KANK1: variants seen among roughly 807,000 people sequenced by gnomAD.
The protein encoded by KANK1 is KN motif and ankyrin repeat domains 1.
Under a neutral mutation model 106.2 loss-of-function variants are expected in KANK1, and 109 were observed. That is an observed-to-expected ratio of 1.03 (90% confidence interval 0.88 to 1.20). The LOEUF (loss-of-function observed/expected upper bound fraction) is 1.20, where lower values mean the gene tolerates loss of function less well. Ranked by LOEUF, KANK1 falls within the 50% of genes most tolerant of loss-of-function variation. KANK1 has a pLI of 0.00. For missense variants in KANK1, 2,399 were observed against 1,710.7 expected (o/e 1.40, Z -7.10); for synonymous variants, 873 against 652.2 (o/e 1.34, Z -5.16).
chr9:695,991 A>T (rs544961000), intron 2 of KANK1, among the ~76,000 whole-genome samples: 1 of 152,272 alleles, frequency 6.6e-6, no homozygotes, highest in African/African-American at 2.4e-5. Context: ...TGAGGAATAC[A>T]AACATAAATA....
At chr9:594,690 T>C (rs1588103925) in intron 1 of KANK1, among the ~76,000 whole-genome samples, 1 of 151,870 alleles carries the variant, frequency 6.6e-6, no homozygotes, top group Admixed American at 6.5e-5. Context: ...TCCACAATTA[T>C]AGATGTGTCT....
intron 1 of KANK1, among the ~76,000 whole-genome samples, chr9:505,948 A>C (rs192504436): frequency 6.6e-6 from 1 of 152,192 alleles, no homozygotes; most frequent in African/African-American, 2.4e-5. Context: ...GTAGCTGTTC[A>C]TCTGCCAGTT....
At chr9:621,964 A>G (rs1049922163) in intron 1 of KANK1, among the ~76,000 whole-genome samples, 2 of 152,150 alleles carry the variant, frequency 1.3e-5, no homozygotes, top group African/African-American at 4.8e-5. Flanking sequence ...GGAAGGAAGG[A>G]GGGAAGAGGA....
chr9:710,485 GTGCACCC>G (rs1217486699), intron 2 of KANK1, among the ~76,000 whole-genome samples: 1 of 151,944 alleles, frequency 6.6e-6, no homozygotes, highest in East Asian at 1.9e-4. Flanking sequence ...AGGCGTGGTG[GTGCACCC>G]CTGTAATCCC....
intron 1 of KANK1, among the ~76,000 whole-genome samples, chr9:580,646 C>T (rs1376597672): frequency 2.6e-5 from 4 of 152,246 alleles, no homozygotes; most frequent in Non-Finnish European, 4.4e-5. Context: ...TATTTACAAT[C>T]CCTTAGCTAG....
intron 1 of KANK1, among the ~76,000 whole-genome samples, chr9:654,814 TGAGAGAGAGAGAGAGAGAGA>T (rs57089042): frequency 2.5e-5 from 2 of 80,416 alleles, no homozygotes; most frequent in African/African-American, 5.4e-5. Context: ...TGTGTGTGTG[TGAGAGAGAGAGAGAGAGAGA>T]GAGAGAGAGA....
At chr9:559,243 T>A (rs1815726112) in intron 1 of KANK1, among the ~76,000 whole-genome samples, 1 of 152,238 alleles carries the variant, frequency 6.6e-6, no homozygotes, top group Non-Finnish European at 1.5e-5. Context: ...TAGTTGCCAT[T>A]TATAATTTCT....
At chr9:621,309 G>A (rs1453375324) in intron 1 of KANK1, among the ~76,000 whole-genome samples, 1 of 152,026 alleles carries the variant, frequency 6.6e-6, no homozygotes, top group Non-Finnish European at 1.5e-5. Flanking sequence ...ATTAAATTTG[G>A]CCTTATGAAG....
chr9:724,673 G>T (rs1830217564), intron 3 of KANK1, among the ~76,000 whole-genome samples: 1 of 152,054 alleles, frequency 6.6e-6, no homozygotes, highest in Non-Finnish European at 1.5e-5. Context: ...GTGGTGGCGG[G>T]CACTTGTAAT....
At chr9:683,957 T>A (rs898815406) in intron 2 of KANK1, among the ~76,000 whole-genome samples, 2 of 152,202 alleles carry the variant, frequency 1.3e-5, no homozygotes, top group Admixed American at 6.5e-5. Flanking sequence ...TAACTACTTC[T>A]TAGATTTCAA....
intron 2 of KANK1, among the ~76,000 whole-genome samples, chr9:680,373 G>GA (rs1167261080): frequency 3.4e-5 from 5 of 148,196 alleles, no homozygotes; most frequent in Non-Finnish European, 6.1e-5. Flanking sequence ...TTTATACTCT[G>GA]ACTTCCCCTT....
chr9:557,260 T>A (rs76927451), intron 1 of KANK1, among the ~76,000 whole-genome samples: 1 of 151,664 alleles, frequency 6.6e-6, no homozygotes, highest in East Asian at 1.9e-4. Flanking sequence ...TGAAAAGATA[T>A]ATTGTTTTGG....
At chr9:532,394 T>A (rs1165362866) in intron 1 of KANK1, among the ~76,000 whole-genome samples, 2 of 126,968 alleles carry the variant, frequency 1.6e-5, no homozygotes, top group African/African-American at 5.9e-5. Flanking sequence ...TTTTTTACCA[T>A]TTCAATCATT....
intron 1 of KANK1, among the ~76,000 whole-genome samples, chr9:654,281 GC>G (rs559010815): frequency 1.3e-5 from 2 of 152,134 alleles, no homozygotes; most frequent in South Asian, 4.1e-4. Flanking sequence ...AGAAACAGTG[GC>G]CCAGAGAATA....
intron 1 of KANK1, among the ~76,000 whole-genome samples, chr9:620,547 C>T (rs868511481): frequency 6.6e-6 from 1 of 151,774 alleles, no homozygotes; most frequent in South Asian, 2.1e-4. Context: ...GGATTACGGG[C>T]GCCTGCCACC....
upstream of KANK1, among the ~76,000 whole-genome samples, chr9:502,418 G>C (rs570709377): frequency 6.6e-6 from 1 of 152,084 alleles, no homozygotes; most frequent in Non-Finnish European, 1.5e-5. Context: ...CCATACTTTT[G>C]ATTGATTCGT....
At chr9:527,391 A>G (rs897359158) in intron 1 of KANK1, among the ~76,000 whole-genome samples, 1 of 151,528 alleles carries the variant, frequency 6.6e-6, no homozygotes, top group South Asian at 2.1e-4. Context: ...AGCCTACGCC[A>G]CCCAGTTTGA....
At chr9:608,188 C>T (rs1204111004) in intron 1 of KANK1, among the ~76,000 whole-genome samples, 2 of 149,576 alleles carry the variant, frequency 1.3e-5, no homozygotes, top group South Asian at 2.1e-4. Context: ...CAGGCGCCCG[C>T]CACCGCGCCC....
chr9:535,361 G>A (rs1432798614), intron 1 of KANK1, among the ~76,000 whole-genome samples: 1 of 152,118 alleles, frequency 6.6e-6, no homozygotes, highest in Non-Finnish European at 1.5e-5. Flanking sequence ...GTCCTCGGGG[G>A]CTTTCCTGTG....
Sources: gnomAD v4.1 joint callset for allele counts (sites outside exome capture counted in the v4.1 genomes callset) on GRCh38, gnomAD v4.1.1 for gene constraint, MANE v1.5 for transcripts, NCBI Gene and HGNC (gene_info 2026-07-23, HGNC 2026-07-21) for gene names.